Variants in PCDH15 observed in about 807,000 individuals in gnomAD.
The protein encoded by PCDH15 is protocadherin-15.
Under a neutral mutation model 178.5 loss-of-function variants are expected in PCDH15, and 129 were observed. The ratio of observed to expected loss-of-function variants is 0.72; its 90% CI spans 0.63 to 0.84. PCDH15 has a LOEUF of 0.84. PCDH15 is among the 40% of genes least tolerant of loss of function. PCDH15 has a pLI of 0.00. For missense variants in PCDH15, 2,230 were observed against 2,099.9 expected, an observed-to-expected ratio of 1.06 and a Z score of -1.21; for synonymous variants, 800 against 732.0, an observed-to-expected ratio of 1.09 and a Z score of -1.50.
At chr10:54,525,163 G>C (rs1282061867) in intron 3 of PCDH15, among the ~76,000 whole-genome samples, 1 of 152,158 alleles carries the variant, frequency 6.6e-6, no homozygotes. Flanking sequence ...TTTAAAAAAT[G>C]AGCTATTTAG....
intron 2 of PCDH15, among the ~76,000 whole-genome samples, chr10:55,536,632 A>G (rs2132069685): frequency 6.6e-6 from 1 of 152,220 alleles, no homozygotes; most frequent in Non-Finnish European, 1.5e-5. Context: ...TCACCTGGGG[A>G]GAGAAAATGC....
Position 54,214,959 on chromosome 10 carries a change from G to T in PCDH15, c.986-911C>A, listed in dbSNP as rs188168570. ...CTTCATGAAGAAATGTCTTCTAATT[G>T]TATAATCTTCCTTTGTGTACTGCAA... On this transcript the variant is annotated intron_variant, in intron 9 of 37. Coordinates refer to ENST00000644397, the MANE Select transcript of PCDH15 (RefSeq NM_001384140.1). Among the ~76,000 whole-genome samples, 207 of 152,102 alleles carry T rather than the reference G, an allele frequency of 1.4e-3. 1 individual carries two copies. Among genetic ancestry groups the T allele is most frequent in the Middle Eastern group, 3.4e-3 (1 of 294 alleles).
At chr10:55,222,515 G>T (rs1017105727) in intron 1 of PCDH15, among the ~76,000 whole-genome samples, 11 of 151,464 alleles carry the variant, frequency 7.3e-5, no homozygotes, top group African/African-American at 2.7e-4. Flanking sequence ...TATTAACGTT[G>T]TAAAATGGTA....
chr10:53,820,332 A>ATAAAAATAATCAGATT (rs1162072636), intron 32 of PCDH15, 102 bp from the exon 33 acceptor site: 5 of 393,650 alleles, frequency 1.3e-5, no homozygotes, highest in Admixed American at 4.4e-5. Context: ...AGATGGGCTA[A>ATAAAAATAATCAGATT]TAAAAATAAT....
intron 2 of PCDH15, among the ~76,000 whole-genome samples, chr10:54,533,263 C>T (rs1470983210): frequency 6.6e-6 from 1 of 152,028 alleles, no homozygotes; most frequent in Non-Finnish European, 1.5e-5. Flanking sequence ...TCTCAATTTC[C>T]AAGAACCTAC....
At chr10:54,648,707 A>G (rs1026248788) in intron 2 of PCDH15, among the ~76,000 whole-genome samples, 2 of 152,116 alleles carry the variant, frequency 1.3e-5, no homozygotes, top group Non-Finnish European at 2.9e-5. Context: ...GTTATTAGAA[A>G]CCTGATGTTA....
rs1589050878 is a variant in PCDH15, at chr10:53,803,547, C to T, written c.*3032G>A. 1 of 151,996 alleles carries T rather than the reference C, an allele frequency of 6.6e-6. No individual in the cohort carries two copies. Among genetic ancestry groups the T allele is most frequent in the East Asian group, 1.9e-4 (1 of 5,182 alleles). 9.4% of individuals were successfully genotyped at this position (151,996 alleles called of 1,614,324 possible). On this transcript the variant is annotated 3_prime_UTR_variant, in exon 38 of 38. Transcript: ENST00000644397. ...GACATATCACATATAAAATTCAAGG[C>T]AAACTTTCTTCTGTATTTTAAAAAG...
chr10:54,564,239 G>A (rs936633810), intron 2 of PCDH15, among the ~76,000 whole-genome samples: 10 of 152,010 alleles, frequency 6.6e-5, no homozygotes, highest in Admixed American at 2.6e-4. Context: ...GATCCCTAAC[G>A]ACATATCAGA....
chr10:55,536,371 C>G (rs1841578329), intron 2 of PCDH15, among the ~76,000 whole-genome samples: 1 of 152,112 alleles, frequency 6.6e-6, no homozygotes, highest in Non-Finnish European at 1.5e-5. Context: ...CAGTTCTAAT[C>G]TGCTTAGTTT....
At chr10:54,067,011 CA>C in intron 17 of PCDH15, 126 bp from the exon 18 acceptor site, 1 of 786,836 alleles carries the variant, frequency 1.3e-6, no homozygotes, top group Non-Finnish European at 1.8e-6. Context: ...CTTAGCTTTC[CA>C]AAAAATAAAA....
intron 2 of PCDH15, among the ~76,000 whole-genome samples, chr10:54,571,521 G>A (rs562402118): frequency 1.1e-4 from 16 of 151,952 alleles, no homozygotes; most frequent in African/African-American, 3.1e-4. Flanking sequence ...TATAACAACC[G>A]AAAAGGCAAT....
At chr10:55,306,384 C>A (rs1256259703) in intron 1 of PCDH15, among the ~76,000 whole-genome samples, 1 of 152,208 alleles carries the variant, frequency 6.6e-6, no homozygotes, top group Admixed American at 6.5e-5. Flanking sequence ...TCCTATCAAT[C>A]TTTCACCTCC....
chr10:54,242,114 G>C (rs577477825), intron 8 of PCDH15, among the ~76,000 whole-genome samples: 10 of 91,782 alleles, frequency 1.1e-4, no homozygotes, highest in African/African-American at 3.6e-4. Context: ...ATGAACTTTT[G>C]GTCTGAATTC....
At chr10:53,950,129 A>C (rs1014994325) in intron 23 of PCDH15, among the ~76,000 whole-genome samples, 3 of 152,064 alleles carry the variant, frequency 2.0e-5, no homozygotes, top group African/African-American at 7.2e-5. Context: ...AAGTTTTTCA[A>C]AATTTCAGAA....
chr10:53,888,957 A>G (rs951231946), intron 26 of PCDH15, among the ~76,000 whole-genome samples: 3 of 127,876 alleles, frequency 2.3e-5, no homozygotes, highest in Non-Finnish European at 4.4e-5. Context: ...GAACACGTCA[A>G]GTAGAGTGGA....
chr10:54,848,538 G>C (rs536855418), intron 3 of PCDH15, among the ~76,000 whole-genome samples: 1 of 152,022 alleles, frequency 6.6e-6, no homozygotes, highest in East Asian at 1.9e-4. Flanking sequence ...GACTTTGCAA[G>C]AGACCCCACC....
intron 18 of PCDH15, among the ~76,000 whole-genome samples, chr10:54,023,462 A>C (rs770806850): frequency 3.3e-5 from 5 of 150,534 alleles, no homozygotes; most frequent in Admixed American, 6.6e-5. Flanking sequence ...AACTCATAAA[A>C]ATACTGAATC....
At chr10:54,783,052 T>C (rs1950523804) in intron 1 of PCDH15, among the ~76,000 whole-genome samples, 1 of 152,010 alleles carries the variant, frequency 6.6e-6, no homozygotes, top group African/African-American at 2.4e-5. Flanking sequence ...CAGATATCAA[T>C]GGAGGGATAC....
intron 2 of PCDH15, among the ~76,000 whole-genome samples, chr10:55,538,577 CT>C: frequency 1.1e-5 from 1 of 87,792 alleles, no homozygotes; most frequent in African/African-American, 4.6e-5. Context: ...TTCCTTCCTC[CT>C]TTCCTTCCTT....
Sources: allele counts gnomAD v4.1 joint callset (sites outside exome capture counted in the v4.1 genomes callset), GRCh38; gene constraint gnomAD v4.1.1; transcripts MANE v1.5; gene names NCBI Gene and HGNC (gene_info 2026-07-23, HGNC 2026-07-21).